ADAMTS6: variants seen among roughly 807,000 people sequenced by gnomAD.
The protein encoded by ADAMTS6 is A disintegrin and metalloproteinase with thrombospondin motifs 6.
In ADAMTS6, 23 loss-of-function variants were observed where a neutral mutation model predicts 144.3. That is an observed-to-expected ratio of 0.16 (90% confidence interval 0.11 to 0.23). The LOEUF (loss-of-function observed/expected upper bound fraction) is 0.23. Ranked by LOEUF, ADAMTS6 falls within the 10% of genes least tolerant of loss-of-function variation. The pLI, the probability that ADAMTS6 is intolerant of heterozygous loss-of-function variation, is 1.00. For synonymous variants in ADAMTS6, 444 were observed against 457.5 expected (o/e 0.97, Z 0.38); for missense variants, 999 against 1,379.6 (o/e 0.72, Z 4.37).
chr5:65,334,113 T>C, intron 7 of ADAMTS6, 28 bp from the exon 8 acceptor site: 3 of 1,512,338 alleles, frequency 2.0e-6, no homozygotes, highest in Non-Finnish European at 2.6e-6. Context: ...ATGAAATTTG[T>C]AATCTGATCA....
intron 15 of ADAMTS6, among the ~76,000 whole-genome samples, chr5:65,238,725 C>T (rs1203105450): frequency 2.0e-5 from 3 of 151,968 alleles, no homozygotes; most frequent in Non-Finnish European, 4.4e-5. Context: ...ACTCAGGAAT[C>T]GATTTAGTAA....
intron 7 of ADAMTS6, chr5:65,415,781 TG>T: frequency 3.9e-6 from 1 of 256,498 alleles, no homozygotes. Flanking sequence ...TCCAAGGAGG[TG>T]GCCACTGCCA....
At chr5:65,181,316 C>G (rs1466081700) in intron 22 of ADAMTS6, among the ~76,000 whole-genome samples, 1 of 152,190 alleles carries the variant, frequency 6.6e-6, no homozygotes, top group African/African-American at 2.4e-5. Flanking sequence ...GAACTTGTTC[C>G]ACTTGTTTTA....
chr5:65,168,085 A>T (rs1200163318), intron 24 of ADAMTS6, among the ~76,000 whole-genome samples: 5 of 151,554 alleles, frequency 3.3e-5, no homozygotes, highest in Non-Finnish European at 7.4e-5. Flanking sequence ...GAAAAGAGGA[A>T]GTCAAATTGT....
intron 1 of ADAMTS6, among the ~76,000 whole-genome samples, chr5:65,476,236 G>A (rs1371546936): frequency 6.6e-6 from 1 of 150,740 alleles, no homozygotes; most frequent in Non-Finnish European, 1.5e-5. Context: ...TTAGAAACAG[G>A]TTTTTCCCCA....
At position 65,275,400 on chromosome 5, in the gene ADAMTS6, AAAGAAAGAAAG is replaced by A. The variant is rs1372107353; in HGVS notation, c.1513-1964_1513-1954del. Among the ~76,000 whole-genome samples, 148 of 127,154 alleles carry A rather than the reference AAAGAAAGAAAG, an allele frequency of 1.2e-3. 1 individual carries two copies. Among genetic ancestry groups the A allele is most frequent in the African/African-American group, 3.9e-3 (138 of 35,020 alleles). 83.4% of individuals were successfully genotyped at this position (127,154 alleles called of 152,430 possible). A position where few individuals can be genotyped will look rare whatever the true frequency, so the allele number is the denominator to read the frequency against. On this transcript the variant is annotated intron_variant, in intron 11 of 24. Transcript: ENST00000381055. Reference sequence around the variant, plus strand: ...GAAAGAAAGAAAGAAAGAAAGAAAGAAAGAAAGAAAGAAAGAAAAGAAAGAAAGAAAGAAAA... The same window carrying A: ...GAAAGAAAGAAAGAAAGAAAGAAAGAAAAGAAAAGAAAGAAAGAAAGAAAA...
rs184193752 is a variant in ADAMTS6 at position 65,364,648 on chromosome 5, G to A, written c.1074-30563C>T. Among the ~76,000 whole-genome samples the A allele has an allele frequency of 2.7e-5, 4 of 146,992 alleles. No homozygotes were observed. The East Asian group carries it at 8.1e-4, about 30-fold the overall frequency. On this transcript the variant is annotated intron_variant, in intron 7 of 24. Coordinates refer to ENST00000381055, the MANE Select transcript of ADAMTS6 (RefSeq NM_197941.4). ...GTGGCGCAATCTCGGCTCACTGTAAGCTCCGCCTCCTGGGTTCATGCCATT... is the reference window on the plus strand; with the variant it reads ...GTGGCGCAATCTCGGCTCACTGTAAACTCCGCCTCCTGGGTTCATGCCATT...
At chr5:65,395,753 C>A (rs898344866) in intron 7 of ADAMTS6, among the ~76,000 whole-genome samples, 1 of 152,142 alleles carries the variant, frequency 6.6e-6, no homozygotes, top group African/African-American at 2.4e-5. Flanking sequence ...TACTGTAAAT[C>A]CCTGGTCCCA....
At chr5:65,269,095 C>T (rs1432258990) in intron 12 of ADAMTS6, among the ~76,000 whole-genome samples, 2 of 152,180 alleles carry the variant, frequency 1.3e-5, no homozygotes, top group African/African-American at 2.4e-5. Context: ...CATGCTTATA[C>T]TCTCTACTGC....
At chr5:65,285,715 G>A (rs1465372154) in intron 11 of ADAMTS6, among the ~76,000 whole-genome samples, 1 of 152,096 alleles carries the variant, frequency 6.6e-6, no homozygotes, top group Non-Finnish European at 1.5e-5. Flanking sequence ...TAAGGAAAAT[G>A]ATAGGAAGTG....
At chr5:65,323,050 C>A (rs1294780245) in intron 9 of ADAMTS6, among the ~76,000 whole-genome samples, 2 of 152,042 alleles carry the variant, frequency 1.3e-5, no homozygotes, top group Admixed American at 6.6e-5. Flanking sequence ...TATTCTGATA[C>A]CAAAACTGGA....
At chr5:65,371,180 G>A (rs1030207274) in intron 7 of ADAMTS6, among the ~76,000 whole-genome samples, 1 of 152,206 alleles carries the variant, frequency 6.6e-6, no homozygotes, top group Non-Finnish European at 1.5e-5. Context: ...AAAAAACAGA[G>A]CAGAAAAACT....
At chr5:65,388,205 A>AC (rs200247545) in intron 7 of ADAMTS6, among the ~76,000 whole-genome samples, 14 of 151,638 alleles carry the variant, frequency 9.2e-5, no homozygotes, top group Admixed American at 2.6e-4. Context: ...TGAGACTCCA[A>AC]CCCCCCCAAA....
At chr5:65,372,041 C>G (rs1490411437) in intron 7 of ADAMTS6, among the ~76,000 whole-genome samples, 3 of 151,766 alleles carry the variant, frequency 2.0e-5, no homozygotes, top group Non-Finnish European at 2.9e-5. Flanking sequence ...AAGTGAAGGA[C>G]AAATAAAATA....
intron 11 of ADAMTS6, among the ~76,000 whole-genome samples, chr5:65,289,311 G>A (rs1224905960): frequency 1.3e-5 from 2 of 152,210 alleles, no homozygotes; most frequent in East Asian, 3.8e-4. Flanking sequence ...GAGGCGGGCT[G>A]ATCACTTGAG....
intron 7 of ADAMTS6, among the ~76,000 whole-genome samples, chr5:65,336,717 CTGCT>C (rs1479580092): frequency 6.6e-6 from 1 of 152,024 alleles, no homozygotes; most frequent in Non-Finnish European, 1.5e-5. Flanking sequence ...TTGTGCCTTC[CTGCT>C]TATTTTACAG....
chr5:65,209,218 T>C (rs1377787317), intron 20 of ADAMTS6, among the ~76,000 whole-genome samples: 8 of 152,224 alleles, frequency 5.3e-5, no homozygotes, highest in Non-Finnish European at 1.0e-4. Context: ...AATACAACTT[T>C]CCCTACCCAG....
At chr5:65,244,237 G>C (rs1759442983) in intron 14 of ADAMTS6, among the ~76,000 whole-genome samples, 1 of 151,972 alleles carries the variant, frequency 6.6e-6, no homozygotes, top group African/African-American at 2.4e-5. Context: ...TATTGGGAAT[G>C]GTTGGAAAAA....
intron 24 of ADAMTS6, among the ~76,000 whole-genome samples, chr5:65,156,958 A>G (rs1303765122): frequency 6.6e-6 from 1 of 151,828 alleles, no homozygotes; most frequent in Non-Finnish European, 1.5e-5. Context: ...TTTACACCCC[A>G]CTCCACCCCT....
Sources: gnomAD v4.1 joint callset for allele counts (sites outside exome capture counted in the v4.1 genomes callset) on GRCh38, gnomAD v4.1.1 for gene constraint, MANE v1.5 for transcripts, NCBI Gene and HGNC (gene_info 2026-07-23, HGNC 2026-07-21) for gene names.